The following JMJD1C variants were observed in gnomAD, a reference collection of about 807,000 sequenced individuals.
JMJD1C encodes the protein jumonji domain containing 1C, also known as jumonji domain-containing protein 1C.
In JMJD1C, 31 loss-of-function variants were observed where a neutral mutation model predicts 245.3. The ratio of observed to expected loss-of-function variants is 0.13; its 90% CI spans 0.09 to 0.17. The LOEUF (loss-of-function observed/expected upper bound fraction) is 0.17. Ranked by LOEUF, JMJD1C falls within the 10% of genes least tolerant of loss-of-function variation. The pLI is 1.00. For synonymous variants in JMJD1C, 1,057 were observed against 1,017.4 expected (o/e 1.04, Z -0.74); for missense variants, 2,691 against 3,000.2 (o/e 0.90, Z 2.41).
At chr10:63,505,726 G>A (rs1422773576) in intron 1 of JMJD1C, among the ~76,000 whole-genome samples, 1 of 151,716 alleles carries the variant, frequency 6.6e-6, no homozygotes, top group African/African-American at 2.4e-5. Context: ...ACAATTTCAA[G>A]ATAAATAGTG....
intron 2 of JMJD1C, among the ~76,000 whole-genome samples, chr10:63,305,459 C>CCTCTCTCTCTCTCTCTCTCTCTCT (rs371564275): frequency 1.1e-4 from 12 of 113,022 alleles, no homozygotes; most frequent in African/African-American, 3.7e-4. Flanking sequence ...ACGCTCTGAC[C>CCTCTCTCTCTCTCTCTCTCTCTCT]CTCTCTCTCT....
At chr10:63,374,109 C>G (rs1946531482) in intron 2 of JMJD1C, among the ~76,000 whole-genome samples, 1 of 152,082 alleles carries the variant, frequency 6.6e-6, no homozygotes, top group Non-Finnish European at 1.5e-5. Context: ...GACTTACTAT[C>G]AAACAACTGG....
At chr10:63,375,922 G>C (rs79302199) in intron 2 of JMJD1C, among the ~76,000 whole-genome samples, 2,026 of 151,874 alleles carry the variant, frequency 0.013, 30 homozygotes, top group African/African-American at 0.034. Flanking sequence ...CCTTTTTCTG[G>C]AGAAAAAGAA....
chr10:63,495,791 A>C (rs899707800), intron 1 of JMJD1C, among the ~76,000 whole-genome samples: 1 of 151,826 alleles, frequency 6.6e-6, no homozygotes, highest in Non-Finnish European at 1.5e-5. Context: ...TGAGAAAGGG[A>C]AAGAATGAAG....
chr10:63,242,794 C>T (rs1053468495), intron 3 of JMJD1C, among the ~76,000 whole-genome samples: 3 of 151,892 alleles, frequency 2.0e-5, no homozygotes, highest in African/African-American at 7.3e-5. Flanking sequence ...TGAGATTTAC[C>T]CAAACAGACC....
chr10:63,386,415 G>T (rs1335783119), intron 1 of JMJD1C, among the ~76,000 whole-genome samples: 2 of 152,340 alleles, frequency 1.3e-5, no homozygotes, highest in South Asian at 2.1e-4. Flanking sequence ...TCCACTGGTA[G>T]TCTGGGGATC....
chr10:63,233,316 A>G (rs553822590), intron 3 of JMJD1C, among the ~76,000 whole-genome samples: 72 of 152,202 alleles, frequency 4.7e-4, no homozygotes, highest in Non-Finnish European at 7.1e-4. Flanking sequence ...CTTCTTAAGC[A>G]TATTTCCCTA....
intron 22 of JMJD1C, among the ~76,000 whole-genome samples, chr10:63,178,566 T>G (rs1843081616): frequency 6.6e-6 from 1 of 152,206 alleles, no homozygotes; most frequent in Admixed American, 6.5e-5. Context: ...AGTAAAAAGG[T>G]TCCATGAGGT....
chr10:63,351,853 A>G (rs952157437), intron 2 of JMJD1C, among the ~76,000 whole-genome samples: 2 of 152,196 alleles, frequency 1.3e-5, no homozygotes, highest in Middle Eastern at 3.2e-3. Context: ...GTATGAATTC[A>G]TTCACATCAT....
chr10:63,175,886 A>G (rs1423401067), intron 24 of JMJD1C, among the ~76,000 whole-genome samples: 1 of 152,194 alleles, frequency 6.6e-6, no homozygotes, highest in Non-Finnish European at 1.5e-5. Flanking sequence ...TATAAATTAC[A>G]TACCATCTTT....
chr10:63,347,877 G>A (rs139309131), intron 2 of JMJD1C, among the ~76,000 whole-genome samples: 1 of 152,054 alleles, frequency 6.6e-6, no homozygotes, highest in Admixed American at 6.5e-5. Context: ...TTGCACCACT[G>A]CCCTCCAGCC....
intron 1 of JMJD1C, among the ~76,000 whole-genome samples, chr10:63,434,359 T>C (rs995312475): frequency 6.6e-6 from 1 of 152,124 alleles, no homozygotes; most frequent in East Asian, 1.9e-4. Context: ...TTATGTAAGC[T>C]TTCTGATCAC....
intron 1 of JMJD1C, among the ~76,000 whole-genome samples, chr10:63,396,684 T>C (rs550596384): frequency 2.0e-5 from 3 of 152,246 alleles, no homozygotes; most frequent in African/African-American, 7.2e-5. Context: ...CTCAGAAACA[T>C]TCGTTTCCAG....
At chr10:63,191,251 C>T (rs1564577004) in intron 16 of JMJD1C, 143 bp from the exon 17 acceptor site, 3 of 633,338 alleles carry the variant, frequency 4.7e-6, no homozygotes, top group Non-Finnish European at 8.3e-6. Flanking sequence ...CCTGTCTCAG[C>T]TTCCCAAGTA....
chr10:63,315,796 C>T (rs770069185), intron 2 of JMJD1C, among the ~76,000 whole-genome samples: 4 of 147,346 alleles, frequency 2.7e-5, no homozygotes, highest in Non-Finnish European at 5.9e-5. Flanking sequence ...CCCAAGATTG[C>T]GCCACTGCAC....
chr10:63,205,032 C>G, intron 10 of JMJD1C: 1 of 985,112 alleles, frequency 1.0e-6, no homozygotes, highest in Non-Finnish European at 1.2e-6. Context: ...GTGCAACATA[C>G]CTAAAAAGAA....
At chr10:63,411,212 A>C (rs1949450838) in intron 1 of JMJD1C, among the ~76,000 whole-genome samples, 1 of 151,914 alleles carries the variant, frequency 6.6e-6, no homozygotes, top group Non-Finnish European at 1.5e-5. Flanking sequence ...GAGGGGCGGT[A>C]TAGACTGGGT....
intron 13 of JMJD1C, among the ~76,000 whole-genome samples, chr10:63,195,516 C>T (rs923515607): frequency 4.6e-5 from 7 of 152,136 alleles, no homozygotes; most frequent in Admixed American, 4.6e-4. Context: ...ATTTTAGACA[C>T]TTATGTGGAT....
At chr10:63,430,655 G>C (rs1950693008) in intron 1 of JMJD1C, among the ~76,000 whole-genome samples, 1 of 152,168 alleles carries the variant, frequency 6.6e-6, no homozygotes, top group Non-Finnish European at 1.5e-5. Flanking sequence ...ACTAAAATTA[G>C]ATAGGGGTCA....
Sources: gnomAD v4.1 joint callset for allele counts (sites outside exome capture counted in the v4.1 genomes callset) on GRCh38, gnomAD v4.1.1 for gene constraint, MANE v1.5 for transcripts, NCBI Gene and HGNC (gene_info 2026-07-23, HGNC 2026-07-21) for gene names.